Variants in RBFOX1 observed in about 807,000 individuals in gnomAD.
The protein encoded by RBFOX1 is RNA binding fox-1 homolog 1.
In RBFOX1, 8 loss-of-function variants were observed where a neutral mutation model predicts 57.7. That is an observed-to-expected ratio of 0.14 (90% CI 0.08 to 0.25). The LOEUF (loss-of-function observed/expected upper bound fraction) is 0.25. Among genes scored for constraint, RBFOX1 ranks in the 10% least tolerant of loss-of-function variants. The pLI is 1.00. For synonymous variants in RBFOX1, 326 were observed against 222.4 expected (o/e 1.47, Z -4.15); for missense variants, 611 against 548.5 (o/e 1.11, Z -1.14).
At chr16:6,656,192 C>T (rs74005637) in intron 3 of RBFOX1, among the ~76,000 whole-genome samples, 3,329 of 152,306 alleles carry the variant, frequency 0.022, 127 homozygotes, top group African/African-American at 0.076. Flanking sequence ...CCAGCCGAAT[C>T]ATTCCGCTCA....
chr16:7,103,494 C>T (rs577382483), intron 4 of RBFOX1, among the ~76,000 whole-genome samples: 7 of 152,048 alleles, frequency 4.6e-5, no homozygotes, highest in East Asian at 1.9e-4. Context: ...TATGAAAAGA[C>T]GTTCACAATG....
At chr16:6,025,611 C>G (rs933769349) in intron 1 of RBFOX1, among the ~76,000 whole-genome samples, 1 of 152,190 alleles carries the variant, frequency 6.6e-6, no homozygotes, top group African/African-American at 2.4e-5. Flanking sequence ...CTCAGATGCC[C>G]TTTATTGATC....
At chr16:7,685,293 C>G (rs531068740) in intron 14 of RBFOX1, among the ~76,000 whole-genome samples, 4 of 152,122 alleles carry the variant, frequency 2.6e-5, no homozygotes, top group Non-Finnish European at 4.4e-5. Flanking sequence ...TTACCATTGC[C>G]TCTCTACTCT....
At chr16:6,557,453 A>G (rs2097121565) in intron 2 of RBFOX1, among the ~76,000 whole-genome samples, 1 of 152,164 alleles carries the variant, frequency 6.6e-6, no homozygotes, top group Non-Finnish European at 1.5e-5. Context: ...AATTTCTCTA[A>G]TTTATTACAT....
intron 3 of RBFOX1, among the ~76,000 whole-genome samples, chr16:6,989,631 C>T (rs774854030): frequency 2.0e-5 from 3 of 152,092 alleles, no homozygotes; most frequent in African/African-American, 7.2e-5. Flanking sequence ...TCTCTGCAGA[C>T]TGTCTGGAGA....
intron 4 of RBFOX1, among the ~76,000 whole-genome samples, chr16:7,330,796 C>G (rs1317299571): frequency 1.3e-5 from 2 of 152,064 alleles, no homozygotes; most frequent in Non-Finnish European, 2.9e-5. Flanking sequence ...TGACACAGGC[C>G]TTACCTAAGT....
chr16:6,613,002 CATGTGTGTGT>C (rs1567882939), intron 2 of RBFOX1, among the ~76,000 whole-genome samples: 2 of 116,872 alleles, frequency 1.7e-5, no homozygotes, highest in East Asian at 2.3e-4. Flanking sequence ...CCAGTCCCAG[CATGTGTGTGT>C]GTGTGTGTGT....
chr16:6,466,773 A>G (rs543054449), intron 2 of RBFOX1, among the ~76,000 whole-genome samples: 1 of 152,292 alleles, frequency 6.6e-6, no homozygotes, highest in South Asian at 2.1e-4. Context: ...CAATGTGGAC[A>G]TTAATAGTCA....
At chr16:5,725,016 G>A (rs1267988820) in intron 3 of RBFOX1, among the ~76,000 whole-genome samples, 1 of 152,112 alleles carries the variant, frequency 6.6e-6, no homozygotes, top group Non-Finnish European at 1.5e-5. Flanking sequence ...CTTATTGGGT[G>A]GTGAAATCCA....
At chr16:6,719,015 T>G (rs2065397299) in intron 3 of RBFOX1, among the ~76,000 whole-genome samples, 1 of 151,804 alleles carries the variant, frequency 6.6e-6, no homozygotes, top group Admixed American at 6.6e-5. Context: ...ACAGGTGTAT[T>G]TCAACGTGCC....
At chr16:5,560,876 C>T (rs770134560) in intron 2 of RBFOX1, among the ~76,000 whole-genome samples, 2 of 152,180 alleles carry the variant, frequency 1.3e-5, no homozygotes, top group East Asian at 3.9e-4. Context: ...TGAAGGCAGC[C>T]CTGGTGCCTA....
At chr16:6,880,194 A>G (rs1272297943) in intron 3 of RBFOX1, among the ~76,000 whole-genome samples, 1 of 140,176 alleles carries the variant, frequency 7.1e-6, no homozygotes, top group East Asian at 2.1e-4. Flanking sequence ...GTACTCCTTT[A>G]AGGTATAAAA....
chr16:6,529,443 C>G, intron 2 of RBFOX1, among the ~76,000 whole-genome samples: 1 of 151,910 alleles, frequency 6.6e-6, no homozygotes, highest in East Asian at 1.9e-4. Context: ...CCTGTAATCC[C>G]GGCTACTTGG....
intron 3 of RBFOX1, among the ~76,000 whole-genome samples, chr16:6,912,696 G>C (rs1432510778): frequency 2.0e-5 from 3 of 151,316 alleles, no homozygotes; most frequent in Admixed American, 1.3e-4. Context: ...GCTCACTGTA[G>C]CGCCCCAACC....
At chr16:6,478,429 A>ATATATATATATATTTTT (rs1159954387) in intron 2 of RBFOX1, among the ~76,000 whole-genome samples, 1 of 24,616 alleles carries the variant, frequency 4.1e-5, no homozygotes, top group Non-Finnish European at 7.8e-5. Context: ...ATATATATAT[A>ATATATATATATATTTTT]TTTTTTTTTT....
chr16:6,970,172 T>TG (rs1200652731), intron 3 of RBFOX1, among the ~76,000 whole-genome samples: 1 of 150,798 alleles, frequency 6.6e-6, no homozygotes, highest in Admixed American at 6.6e-5. Context: ...AACAAGACTC[T>TG]GGGGGGAAAA....
In RBFOX1 at chr16:6,545,589, G is replaced by A. The variant is rs1037139625; in HGVS notation, c.-63-109014G>A. Among the ~76,000 whole-genome samples, 5 of 152,208 alleles carry A rather than the reference G, an allele frequency of 3.3e-5. No individual in the cohort carries two copies. In the East Asian group the frequency reaches 7.7e-4, roughly 24 times the overall value. ...CAGAAACGCAATTCCCAACCCCTCCGATAACTACTCTCCACCCCAAAGATC... is the reference window on the plus strand; with the variant it reads ...CAGAAACGCAATTCCCAACCCCTCCAATAACTACTCTCCACCCCAAAGATC... On this transcript the variant is annotated intron_variant, in intron 2 of 15. Transcript: ENST00000550418.
chr16:7,709,848 G>C (rs1328170806), intron 15 of RBFOX1: 3 of 1,222,414 alleles, frequency 2.5e-6, no homozygotes, highest in Middle Eastern at 3.3e-4. Context: ...AGTACAGTAA[G>C]ACGTGCCCAT....
At chr16:7,535,059 A>G (rs1370573821) in intron 5 of RBFOX1, among the ~76,000 whole-genome samples, 1 of 152,196 alleles carries the variant, frequency 6.6e-6, no homozygotes, top group African/African-American at 2.4e-5. Flanking sequence ...TAGGAGCATA[A>G]CTAACATTGA....
Sources: gnomAD v4.1 joint callset for allele counts (sites outside exome capture counted in the v4.1 genomes callset) on GRCh38, gnomAD v4.1.1 for gene constraint, MANE v1.5 for transcripts, NCBI Gene and HGNC (gene_info 2026-07-23, HGNC 2026-07-21) for gene names.